The following NBL1 variants were observed in gnomAD, a reference collection of about 807,000 sequenced individuals.
The protein encoded by NBL1 is NBL1, DAN family BMP antagonist.
A neutral mutation model predicts 16.0 loss-of-function variants in NBL1; 9 were observed. The observed-to-expected ratio is 0.56, with a 90% CI of 0.34 to 0.98. The LOEUF (loss-of-function observed/expected upper bound fraction) is 0.98, where lower values mean the gene tolerates loss of function less well. Ranked by LOEUF, NBL1 falls within the 50% of genes least tolerant of loss-of-function variation. The pLI, the probability that NBL1 is intolerant of heterozygous loss-of-function variation, is 0.02. For synonymous variants in NBL1, 86 were observed against 100.7 expected (o/e 0.85, Z 0.87); for missense variants, 196 against 243.1 (o/e 0.81, Z 1.29).
chr1:19,643,526 C>A, upstream of NBL1: 4 of 1,475,260 alleles, frequency 2.7e-6, no homozygotes, highest in Non-Finnish European at 3.6e-6. This position sits in a 1 kb window ranked among gnomAD's most constrained non-coding sequence, Gnocchi z 4.7. Flanking sequence ...AGAGAAGGTA[C>A]GGCCGCAATC....
At chr1:19,651,020 G>GA (rs2095021881) in intron 1 of NBL1, among the ~76,000 whole-genome samples, 1 of 152,208 alleles carries the variant, frequency 6.6e-6, no homozygotes, top group Non-Finnish European at 1.5e-5. Context: ...CCCCTGGGGG[G>GA]AAGAGAGCTG....
chr1:19,657,213 G>GC lies in NBL1; in HGVS notation c.*90dup. 1 of 642,996 alleles carries GC rather than the reference G, an allele frequency of 1.6e-6. No homozygotes were observed. Among genetic ancestry groups the GC allele is most frequent in the Non-Finnish European group, 2.7e-6 (1 of 374,528 alleles). 39.8% of individuals were successfully genotyped at this position (642,996 alleles called of 1,614,324 possible). ...TGGGGAAGTCAGGGGAGAAGCTGAA[G>GC]CCCCCCTTTGGCACTGGATGGACTT... is the stretch of plus-strand genomic sequence containing the variant. On this transcript the variant is annotated 3_prime_UTR_variant, in exon 4 of 4. Transcript: ENST00000375136.
At chr1:19,650,035 C>T (rs1364954542) in intron 1 of NBL1, among the ~76,000 whole-genome samples, 1 of 150,772 alleles carries the variant, frequency 6.6e-6, no homozygotes, top group Non-Finnish European at 1.5e-5. Flanking sequence ...AGTGCAGTGG[C>T]GTGATCTCGG....
intron 3 of NBL1, among the ~76,000 whole-genome samples, chr1:19,655,919 T>C (rs920488992): frequency 6.6e-6 from 1 of 152,036 alleles, no homozygotes; most frequent in African/African-American, 2.4e-5. Context: ...ACACCACCTC[T>C]GTCCCCTTTC....
At chr1:19,655,282 T>G in intron 2 of NBL1, 42 bp from the exon 3 acceptor site, 1 of 1,612,828 alleles carries the variant, frequency 6.2e-7, no homozygotes, top group South Asian at 1.1e-5. Context: ...CATCCCTGCC[T>G]CCCCAACAGT....
At chr1:19,645,371 C>G in intron 1 of NBL1, 1 of 986,322 alleles carries the variant, frequency 1.0e-6, no homozygotes. Context: ...CGATTCTGAT[C>G]GTTTACAAGC....
intron 1 of NBL1, chr1:19,645,720 A>G: frequency 7.5e-7 from 1 of 1,326,542 alleles, no homozygotes; most frequent in Non-Finnish European, 9.7e-7. Flanking sequence ...GGTGACCCCT[A>G]CCCCTCTCCA....
Position 19,651,039 on chromosome 1 carries a change from G to T in NBL1, c.-19-3973G>T, listed in dbSNP as rs1463461101. Reference sequence around the variant, plus strand: ...TGGGGGGAAGAGAGCTGACCTTAGTGGGTGCCTCCTAGGTGCTGAGTACCT... The same window carrying T: ...TGGGGGGAAGAGAGCTGACCTTAGTTGGTGCCTCCTAGGTGCTGAGTACCT... On this transcript the variant is annotated intron_variant, in intron 1 of 3. Transcript: ENST00000375136. Among the ~76,000 whole-genome samples, 4 of 152,332 alleles carry T rather than the reference G, an allele frequency of 2.6e-5. No individual in the cohort carries two copies. The East Asian group carries it at 7.7e-4, about 29-fold the overall frequency.
chr1:19,643,494 C>T, upstream of NBL1: 2 of 1,549,092 alleles, frequency 1.3e-6, no homozygotes, highest in Admixed American at 1.9e-5. The surrounding 1 kb of genome is among the most constrained non-coding windows in gnomAD (Gnocchi z 4.7). Flanking sequence ...ATTTTCTCAC[C>T]CCGTTGTTAA....
At chr1:19,652,773 A>G (rs986736833) in intron 1 of NBL1, among the ~76,000 whole-genome samples, 2 of 150,546 alleles carry the variant, frequency 1.3e-5, no homozygotes, top group African/African-American at 4.9e-5. Context: ...AGATCACTTG[A>G]GGTCAGGAGT....
At chr1:19,656,160 G>C (rs1318956505) in intron 3 of NBL1, among the ~76,000 whole-genome samples, 1 of 152,030 alleles carries the variant, frequency 6.6e-6, no homozygotes, top group Non-Finnish European at 1.5e-5. Flanking sequence ...ATGTGTCTTT[G>C]TGTCCCCAGA....
chr1:19,643,977 G>A (rs1438351326), upstream of NBL1: 3 of 985,536 alleles, frequency 3.0e-6, no homozygotes, highest in Non-Finnish European at 3.6e-6. This position sits in a 1 kb window ranked among gnomAD's most constrained non-coding sequence, Gnocchi z 4.7. Flanking sequence ...CGGAGAGAGT[G>A]GAAGCGCAGA....
chr1:19,657,252 G>C lies in NBL1; in HGVS notation c.*123G>C. On this transcript the variant is annotated 3_prime_UTR_variant, in exon 4 of 4. Transcript: ENST00000375136. ...CTGGATGGACTTGGCTTCAGACTCG[G>C]ACTTGAATGCTGCCCGGTTGCCATG... is the stretch of plus-strand genomic sequence containing the variant. 1.8e-6 allele frequency: 1 copy of C among 569,318 alleles called. No homozygotes were observed. The highest frequency in any genetic ancestry group is 3.0e-5 in the Admixed American group (1 of 33,606). The allele number at this position is 569,318 out of a possible 1,614,324, so 35.3% of individuals were successfully genotyped here. A position where few individuals can be genotyped will look rare whatever the true frequency, so the allele number is the denominator to read the frequency against.
chr1:19,645,478 C>G (rs1260755495), intron 1 of NBL1: 5 of 994,278 alleles, frequency 5.0e-6, no homozygotes, highest in Non-Finnish European at 6.0e-6. Context: ...GGCCCTCGCT[C>G]CCCAAGCTGG....
upstream of NBL1, chr1:19,644,274 G>T (rs2094963857): frequency 2.0e-6 from 2 of 979,490 alleles, no homozygotes; most frequent in Non-Finnish European, 2.4e-6. The surrounding 1 kb of genome is among the most constrained non-coding windows in gnomAD (Gnocchi z 4.6). Context: ...CCCTGACGTC[G>T]GAGCCGCTCC....
chr1:19,655,445 G>T lies in NBL1; in HGVS notation c.282+10G>T, dbSNP rs2095050705. ...GTCCATGTGGGAGATTGTGAGTACT[G>T]CCTGCCTGCCCCACCCAGTCTCGGC... On this transcript the variant is annotated intron_variant, in intron 3 of 3. Transcript: ENST00000375136. The T allele has an allele frequency of 6.2e-7, 1 of 1,613,400 alleles. No individual in the cohort carries two copies. The highest frequency in any genetic ancestry group is 8.5e-7 in the Non-Finnish European group (1 of 1,179,742).
Position 19,657,075 on chromosome 1 carries a change from G to T in NBL1, c.492G>T (p.Glu164Asp). ...PHPHPGGQTP[E>D]PEDPPGAPHT... ...CCCATCCTGGCGGGCAGACCCCTGA[G>T]CCCGAGGACCCCCCTGGGGCCCCCC... Residue 164 changes from glutamate to aspartate, a missense_variant, in exon 4 of 4, where the codon GAG becomes GAT. By Grantham distance (45) the Glu-to-Asp change is conservative. Coordinates refer to ENST00000375136, the MANE Select transcript of NBL1 (RefSeq NM_005380.8). 6.5e-7 allele frequency: 1 copy of T among 1,532,022 alleles called. No individual in the cohort carries two copies. Among genetic ancestry groups the T allele is most frequent in the Non-Finnish European group, 8.8e-7 (1 of 1,136,732 alleles). The allele number at this position is 1,532,022 out of a possible 1,614,324, so 94.9% of individuals were successfully genotyped here. A position where few individuals can be genotyped will look rare whatever the true frequency, so the allele number is the denominator to read the frequency against.
At chr1:19,649,234 A>G (rs1238885867) in intron 1 of NBL1, among the ~76,000 whole-genome samples, 1 of 152,118 alleles carries the variant, frequency 6.6e-6, no homozygotes, top group Non-Finnish European at 1.5e-5. Flanking sequence ...CAGTTTCTTC[A>G]TCTAAAAATG....
At chr1:19,646,483 G>A (rs747574260) in intron 1 of NBL1, among the ~76,000 whole-genome samples, 19 of 152,198 alleles carry the variant, frequency 1.2e-4, no homozygotes, top group Non-Finnish European at 2.6e-4. Context: ...CAGAGCCGGG[G>A]CCTGACCTGG....
Sources: gnomAD v4.1 joint callset for allele counts (sites outside exome capture counted in the v4.1 genomes callset) on GRCh38, gnomAD v4.1.1 for gene constraint, Gnocchi (gnomAD v3.1) non-coding constraint, MANE v1.5 for transcripts, NCBI Gene and HGNC (gene_info 2026-07-23, HGNC 2026-07-21) for gene names.